The following TMOD3 variants were observed in gnomAD, a reference collection of about 807,000 sequenced individuals.
The protein encoded by TMOD3 is tropomodulin-3.
A neutral mutation model predicts 39.2 loss-of-function variants in TMOD3; 20 were observed. The ratio of observed to expected loss-of-function variants is 0.51; its 90% CI spans 0.36 to 0.74. The LOEUF (loss-of-function observed/expected upper bound fraction) is 0.74. Ranked by LOEUF, TMOD3 falls within the 30% of genes least tolerant of loss-of-function variation. The pLI, the probability that TMOD3 is intolerant of heterozygous loss-of-function variation, is 0.00. For synonymous variants in TMOD3, 143 were observed against 145.8 expected (o/e 0.98, Z 0.14); for missense variants, 381 against 412.8 (o/e 0.92, Z 0.67).
chr15:51,858,218 A>G (rs2056397955), intron 1 of TMOD3: 1 of 151,704 alleles, frequency 6.6e-6, no homozygotes, highest in African/African-American at 2.4e-5. Context: ...ATGCCCAGCT[A>G]TTTTTTTAAA....
At chr15:51,842,213 A>C (rs1259556880) in intron 1 of TMOD3, among the ~76,000 whole-genome samples, 1 of 152,172 alleles carries the variant, frequency 6.6e-6, no homozygotes, top group African/African-American at 2.4e-5. Context: ...TGTGCCTGCT[A>C]TCTTGAAACT....
intron 1 of TMOD3, chr15:51,859,878 G>T: frequency 1.9e-6 from 1 of 532,838 alleles, no homozygotes. Flanking sequence ...TGGAATTCTG[G>T]CAGAAGCTTG....
chr15:51,835,388 G>A (rs1784051202), intron 1 of TMOD3, among the ~76,000 whole-genome samples: 2 of 152,106 alleles, frequency 1.3e-5, no homozygotes, highest in East Asian at 1.9e-4. Flanking sequence ...CTGCAGCCTC[G>A]ACCTCCTGGG....
At chr15:51,858,881 C>T (rs1330890057) in intron 1 of TMOD3, among the ~76,000 whole-genome samples, 1 of 152,070 alleles carries the variant, frequency 6.6e-6, no homozygotes, top group Admixed American at 6.6e-5. Context: ...ATTAGAGATT[C>T]GTGCATCAAG....
At chr15:51,886,315 C>T (rs1358121110) in intron 3 of TMOD3, among the ~76,000 whole-genome samples, 8 of 152,200 alleles carry the variant, frequency 5.3e-5, no homozygotes, top group Admixed American at 1.3e-4. Flanking sequence ...CCAAGGCAGG[C>T]GGCTGGGAGG....
chr15:51,894,475 A>ATT (rs1411145296), intron 6 of TMOD3, among the ~76,000 whole-genome samples: 1 of 152,176 alleles, frequency 6.6e-6, no homozygotes, highest in Non-Finnish European at 1.5e-5. Flanking sequence ...AGTTCTATGA[A>ATT]TTTTGACAGG....
intron 3 of TMOD3, among the ~76,000 whole-genome samples, chr15:51,885,386 G>A (rs966270267): frequency 9.2e-5 from 14 of 151,544 alleles, no homozygotes; most frequent in Middle Eastern, 3.4e-3. Flanking sequence ...AAGGTCAGCA[G>A]ACAAACATGT....
intron 2 of TMOD3, among the ~76,000 whole-genome samples, chr15:51,868,777 G>A (rs1288912874): frequency 6.6e-6 from 1 of 152,158 alleles, no homozygotes; most frequent in African/African-American, 2.4e-5. Context: ...TTCTAGACTA[G>A]TCTGGCCAAC....
Position 51,903,011 on chromosome 15 carries a change from C to T in TMOD3, c.1024+975C>T, listed in dbSNP as rs1001155445. Among the ~76,000 whole-genome samples the T allele has an allele frequency of 3.3e-5, 5 of 152,104 alleles. No homozygotes were observed. In the South Asian group the frequency reaches 1.0e-3, roughly 32 times the overall value. The stretch of plus-strand genomic sequence containing the variant: ...ATGTTGGCCAGGATGGTCTCAATCT[C>T]TTGACCTCACGATCCACCCGCCTCG... On this transcript the variant is annotated intron_variant, in intron 9 of 9. Coordinates refer to ENST00000308580, the MANE Select transcript of TMOD3 (RefSeq NM_014547.5).
intron 1 of TMOD3, among the ~76,000 whole-genome samples, chr15:51,847,459 G>T (rs1035890417): frequency 5.0e-4 from 76 of 152,254 alleles, no homozygotes; most frequent in African/African-American, 1.7e-3. Context: ...CAACTACTGT[G>T]TGCAAAGCAG....
intron 9 of TMOD3, among the ~76,000 whole-genome samples, chr15:51,903,488 G>A (rs750149211): frequency 3.3e-4 from 50 of 152,218 alleles, no homozygotes; most frequent in Admixed American, 1.1e-3. Flanking sequence ...GGAAAAAATA[G>A]CACTTCATTT....
At chr15:51,864,164 G>A (rs767812867) in intron 2 of TMOD3, among the ~76,000 whole-genome samples, 3 of 151,622 alleles carry the variant, frequency 2.0e-5, no homozygotes, top group Non-Finnish European at 2.9e-5. Flanking sequence ...TACTTGGGAA[G>A]TGGAGGTATG....
chr15:51,861,097 C>T (rs148551237), intron 1 of TMOD3: 42 of 570,116 alleles, frequency 7.4e-5, no homozygotes, highest in African/African-American at 5.6e-4. Context: ...TGGATCTGTT[C>T]GAAAAGATTA....
intron 1 of TMOD3, among the ~76,000 whole-genome samples, chr15:51,855,282 C>G (rs919577900): frequency 6.6e-6 from 1 of 152,236 alleles, no homozygotes; most frequent in Non-Finnish European, 1.5e-5. Flanking sequence ...CACCACCTGG[C>G]AGCTTATTAG....
At chr15:51,902,642 GTATTTTTTTTTT>G (rs2056657519) in intron 9 of TMOD3, among the ~76,000 whole-genome samples, 2 of 63,354 alleles carry the variant, frequency 3.2e-5, no homozygotes, top group Non-Finnish European at 5.8e-5. Flanking sequence ...GCTAATTTTT[GTATTTTTTTTTT>G]TTTTTTTTTT....
intron 1 of TMOD3, among the ~76,000 whole-genome samples, chr15:51,842,073 G>T (rs1435957764): frequency 6.6e-6 from 1 of 152,172 alleles, no homozygotes; most frequent in Non-Finnish European, 1.5e-5. Context: ...ACTGTGCCTG[G>T]CCTGGTTTGA....
intron 1 of TMOD3, among the ~76,000 whole-genome samples, chr15:51,853,896 A>G (rs2056375272): frequency 6.6e-6 from 1 of 152,086 alleles, no homozygotes; most frequent in East Asian, 1.9e-4. Flanking sequence ...AAGATAGGAC[A>G]TTTTCAGCTA....
At chr15:51,879,787 G>A (rs2056523302) in intron 3 of TMOD3, among the ~76,000 whole-genome samples, 1 of 151,682 alleles carries the variant, frequency 6.6e-6, no homozygotes, top group East Asian at 1.9e-4. Context: ...AGATACTTGG[G>A]ACTATGTGGT....
At chr15:51,879,389 A>G (rs182074593) in intron 3 of TMOD3, among the ~76,000 whole-genome samples, 43 of 151,238 alleles carry the variant, frequency 2.8e-4, no homozygotes, top group Admixed American at 1.5e-3. Flanking sequence ...GTTTATTTTT[A>G]TAGTTTCCTA....
Sources: gnomAD v4.1 joint callset for allele counts (sites outside exome capture counted in the v4.1 genomes callset) on GRCh38, gnomAD v4.1.1 for gene constraint, MANE v1.5 for transcripts, NCBI Gene and HGNC (gene_info 2026-07-23, HGNC 2026-07-21) for gene names.